C9orf72: variants seen among roughly 807,000 people sequenced by gnomAD.
C9orf72 encodes the protein guanine nucleotide exchange factor C9orf72.
In C9orf72, 44 loss-of-function variants were observed where a neutral mutation model predicts 51.6. The ratio of observed to expected loss-of-function variants is 0.85; its 90% confidence interval spans 0.67 to 1.10. C9orf72 has a LOEUF of 1.10. C9orf72 is among the 50% of genes least tolerant of loss of function. The pLI, the probability that C9orf72 is intolerant of heterozygous loss-of-function variation, is 0.00. For missense variants in C9orf72, 607 were observed against 570.6 expected (o/e 1.06, Z -0.65); for synonymous variants, 213 against 194.2 (o/e 1.10, Z -0.81).
In C9orf72 at chr9:27,565,577, T is replaced by C. The variant is rs1424359653; in HGVS notation, c.458A>G (p.Asn153Ser). 1 of 1,603,286 alleles carries C rather than the reference T, an allele frequency of 6.2e-7. No homozygotes were observed. Among genetic ancestry groups the C allele is most frequent in the Non-Finnish European group, 8.5e-7 (1 of 1,173,354 alleles). The change falls in exon 3 of 11, where the codon AAT becomes AGT. Residue 153 changes from asparagine (N) to serine (S), a missense_variant. Transcript: ENST00000380003. ...GCCTTCTAAGATAATCTTCTGGACA[T>C]TTTCTTGTCTTTCCTGAGCAAGAGA... ...RIWMHKERQE[N>S]VQKIILEGTE...
At chr9:27,572,734 T>C (rs1819614731) in intron 1 of C9orf72, among the ~76,000 whole-genome samples, 1 of 152,132 alleles carries the variant, frequency 6.6e-6, no homozygotes, top group African/African-American at 2.4e-5. Context: ...CACGGACATG[T>C]AATCTGTGCA....
chr9:27,567,937 C>A (rs7872223), intron 1 of C9orf72, among the ~76,000 whole-genome samples: 30,428 of 152,024 alleles, frequency 0.2, 3,226 homozygotes, highest in Non-Finnish European at 0.23. Flanking sequence ...CCCCTGTCAA[C>A]ACTTTGATTT....
intron 8 of C9orf72, among the ~76,000 whole-genome samples, chr9:27,551,703 C>G (rs891864510): frequency 6.6e-5 from 10 of 152,212 alleles, no homozygotes; most frequent in Non-Finnish European, 1.5e-4. Context: ...AGTGCCCCTT[C>G]TTGGGCTCTG....
At chr9:27,552,289 T>C (rs1587301404) in intron 8 of C9orf72, among the ~76,000 whole-genome samples, 1 of 152,138 alleles carries the variant, frequency 6.6e-6, no homozygotes, top group African/African-American at 2.4e-5. Context: ...GGGTCTGTCA[T>C]AGATGGTTCT....
intron 8 of C9orf72, among the ~76,000 whole-genome samples, chr9:27,552,441 C>T (rs772182339): frequency 2.8e-4 from 43 of 151,720 alleles, no homozygotes; most frequent in Non-Finnish European, 4.3e-4. Flanking sequence ...CTCTGCCTCC[C>T]GGGCTCAAAC....
At chr9:27,564,034 G>A (rs995061627) in intron 3 of C9orf72, among the ~76,000 whole-genome samples, 2 of 151,786 alleles carry the variant, frequency 1.3e-5, no homozygotes, top group South Asian at 4.1e-4. Context: ...CCTCCTTTTC[G>A]GGAAGAATAA....
intron 8 of C9orf72, chr9:27,554,509 C>A (rs961218525): frequency 2.5e-6 from 1 of 397,732 alleles, no homozygotes; most frequent in South Asian, 1.3e-4. Flanking sequence ...GGGTGAGGAT[C>A]AAAAAACTAC....
chr9:27,550,461 G>C (rs1820883824), intron 9 of C9orf72, among the ~76,000 whole-genome samples, 189 bp downstream of exon 9: 1 of 152,104 alleles, frequency 6.6e-6, no homozygotes, highest in Non-Finnish European at 1.5e-5. Context: ...CCAATGTAAT[G>C]ATGCACTTGA....
intron 5 of C9orf72, chr9:27,560,743 T>C (rs966685171): frequency 2.8e-5 from 28 of 985,714 alleles, no homozygotes; most frequent in Non-Finnish European, 3.1e-5. Context: ...TGATACTCCA[T>C]CATGAGCCTA....
At chr9:27,572,247 C>A (rs1003277324) in intron 1 of C9orf72, among the ~76,000 whole-genome samples, 4 of 152,268 alleles carry the variant, frequency 2.6e-5, no homozygotes, top group African/African-American at 9.6e-5. Flanking sequence ...GATGTACTAT[C>A]AGCATGTAGC....
chr9:27,564,678 A>G (rs991500396), intron 3 of C9orf72, among the ~76,000 whole-genome samples: 1 of 152,032 alleles, frequency 6.6e-6, no homozygotes, highest in African/African-American at 2.4e-5. Context: ...TATTTTCACA[A>G]GTTTTTTTTT....
chr9:27,558,527 T>C lies in C9orf72; in HGVS notation c.819A>G (p.Lys273=), dbSNP rs764000894. The change falls in exon 7 of 11, where the codon AAA becomes AAG. Residue 273 remains lysine, a synonymous_variant. Transcript: ENST00000380003. ...SRLCEAESSF[K]YESGLFVQGL... is the part of the protein sequence containing the mutation. ...CTTGTACAAAGAGCCCTGACTCATA[T>C]TTAAATGATGATTCTGCTTCACATA... The C allele has an allele frequency of 1.2e-6, 2 of 1,607,428 alleles. No homozygotes were observed. The highest frequency in any genetic ancestry group is 3.4e-5 in the Admixed American group (2 of 59,424).
intron 8 of C9orf72, among the ~76,000 whole-genome samples, chr9:27,553,386 G>C (rs80272464): frequency 0.19 from 29,420 of 152,038 alleles, 3,074 homozygotes; most frequent in Non-Finnish European, 0.23. Context: ...ATGGAGAATA[G>C]AGAGCCAAGA....
At chr9:27,570,928 A>G (rs1819573323) in intron 1 of C9orf72, among the ~76,000 whole-genome samples, 1 of 152,136 alleles carries the variant, frequency 6.6e-6, no homozygotes, top group South Asian at 2.1e-4. Flanking sequence ...AAGGACAAAG[A>G]TCATACTGAA....
At chr9:27,552,515 ATTTTTTTT>A (rs71492751) in intron 8 of C9orf72, among the ~76,000 whole-genome samples, 6 of 105,648 alleles carry the variant, frequency 5.7e-5, no homozygotes, top group Admixed American at 1.2e-4. Flanking sequence ...TACCAAGCTA[ATTTTTTTT>A]TTTTTTTTTT....
chr9:27,569,853 T>C (rs867963241), intron 1 of C9orf72, among the ~76,000 whole-genome samples: 6 of 152,358 alleles, frequency 3.9e-5, no homozygotes, highest in South Asian at 2.1e-4. Flanking sequence ...GGAGCTAACA[T>C]TTGATCTGTA....
intron 1 of C9orf72, among the ~76,000 whole-genome samples, chr9:27,570,338 A>T (rs1819558389): frequency 6.6e-6 from 1 of 152,236 alleles, no homozygotes; most frequent in Non-Finnish European, 1.5e-5. Context: ...ATACAACCAT[A>T]AAATTATATT....
chr9:27,550,811 C>A, intron 8 of C9orf72, 104 bp from the exon 9 acceptor site: 1 of 531,486 alleles, frequency 1.9e-6, no homozygotes, highest in South Asian at 3.0e-5. Flanking sequence ...ATTTTAAGTT[C>A]TTATAAATTG....
chr9:27,567,549 T>C (rs996592982), intron 1 of C9orf72, among the ~76,000 whole-genome samples: 1 of 152,038 alleles, frequency 6.6e-6, no homozygotes, highest in Non-Finnish European at 1.5e-5. Flanking sequence ...CCCTAACCCA[T>C]AGCAACTAAA....
Sources: allele counts gnomAD v4.1 joint callset (sites outside exome capture counted in the v4.1 genomes callset), GRCh38; gene constraint gnomAD v4.1.1; transcripts MANE v1.5; gene names NCBI Gene and HGNC (gene_info 2026-07-23, HGNC 2026-07-21).